The following POLH variants were observed in gnomAD, a reference collection of about 807,000 sequenced individuals.
POLH encodes DNA polymerase eta transcript.
POLH carries 53 observed loss-of-function variants against 73.6 expected under a neutral mutation model. The observed-to-expected ratio is 0.72, with a 90% CI of 0.58 to 0.91. The LOEUF (loss-of-function observed/expected upper bound fraction) is 0.91. Among genes scored for constraint, POLH ranks in the 40% least tolerant of loss-of-function variants. POLH has a pLI of 0.00. For missense variants in POLH, 768 were observed against 865.4 expected (o/e 0.89, Z 1.41); for synonymous variants, 292 against 308.5 (o/e 0.95, Z 0.56).
At chr6:43,580,795 C>T (rs1214821177) in intron 1 of POLH, among the ~76,000 whole-genome samples, 14 of 127,774 alleles carry the variant, frequency 1.1e-4, no homozygotes, top group Non-Finnish European at 2.0e-4. Flanking sequence ...CCGGACTGGG[C>T]GGCTGGCCGG....
rs886061474 is a variant in POLH, at chr6:43,619,694, TTACAA to T, written c.*5142_*5146del. Among the ~76,000 whole-genome samples the T allele has an allele frequency of 9.2e-5, 14 of 152,202 alleles. No homozygotes were observed. The highest frequency in any genetic ancestry group is 2.6e-4 in the Admixed American group (4 of 15,264). ...GAAATGTGATTTTCCAAAATTTTCTTTACAATACAGGCAAAAGATAAGTAAATTGT... is the reference window on the plus strand; with the variant it reads ...GAAATGTGATTTTCCAAAATTTTCTTTACAGGCAAAAGATAAGTAAATTGT... On this transcript the variant is annotated 3_prime_UTR_variant, in exon 11 of 11. Coordinates refer to ENST00000372236, the MANE Select transcript of POLH (RefSeq NM_006502.3).
chr6:43,607,157 C>T (rs1767394904), intron 9 of POLH, among the ~76,000 whole-genome samples: 1 of 152,216 alleles, frequency 6.6e-6, no homozygotes, highest in South Asian at 2.1e-4. Context: ...TGCAGTAGTG[C>T]AGTCTCGGCT....
intron 4 of POLH, among the ~76,000 whole-genome samples, chr6:43,594,715 A>G (rs1765850514): frequency 6.6e-6 from 1 of 152,192 alleles, no homozygotes; most frequent in African/African-American, 2.4e-5. Context: ...ATAATAAACT[A>G]TCTTTTAATC....
intron 4 of POLH, among the ~76,000 whole-genome samples, chr6:43,597,075 T>C (rs886461658): frequency 6.6e-6 from 1 of 152,162 alleles, no homozygotes; most frequent in Non-Finnish European, 1.5e-5. Context: ...GAAAGAAAAT[T>C]CAAGAGAACT....
intron 4 of POLH, among the ~76,000 whole-genome samples, chr6:43,591,637 T>TA (rs1220208785): frequency 2.7e-5 from 4 of 150,016 alleles, no homozygotes; most frequent in Non-Finnish European, 4.4e-5. Flanking sequence ...TTTTTTTTTT[T>TA]AAATATTTGG....
intron 1 of POLH, among the ~76,000 whole-genome samples, chr6:43,577,836 G>C (rs1200985921): frequency 1.3e-5 from 2 of 152,198 alleles, no homozygotes; most frequent in East Asian, 3.9e-4. Context: ...TGTAATCCCA[G>C]CACTTTGGGA....
At position 43,616,631 on chromosome 6, in the gene POLH, C is replaced by T. The variant is rs886061457; in HGVS notation, c.*2074C>T. Among the ~76,000 whole-genome samples, 9 of 151,620 alleles carry T rather than the reference C, an allele frequency of 5.9e-5. No individual in the cohort carries two copies. Among genetic ancestry groups the T allele is most frequent in the South Asian group, 2.1e-4 (1 of 4,812 alleles). On this transcript the variant is annotated 3_prime_UTR_variant, in exon 11 of 11. Coordinates refer to ENST00000372236, the MANE Select transcript of POLH (RefSeq NM_006502.3). ...GAAAAACTTCTCTCTAGCTCTGTGA[C>T]GGGCAGTTCAGATAATACCTTCACC...
chr6:43,616,590 A>G lies in POLH; in HGVS notation c.*2033A>G, dbSNP rs948017565. 2.0e-5 allele frequency among the ~76,000 whole-genome samples: 3 copies of G among 151,730 alleles called. No individual in the cohort carries two copies. Among genetic ancestry groups the G allele is most frequent in the Non-Finnish European group, 4.4e-5 (3 of 67,958 alleles). ...GGTGAGAGTGAGAGACTGTCTCAAA[A>G]AAAAAAAAAACAAAAGAAAAACTTC... is the stretch of plus-strand genomic sequence containing the variant. On this transcript the variant is annotated 3_prime_UTR_variant, in exon 11 of 11. Transcript: ENST00000372236.
intron 3 of POLH, 62 bp downstream of exon 3, chr6:43,583,203 A>G (rs1256562188): frequency 6.8e-7 from 1 of 1,465,984 alleles, no homozygotes; most frequent in Non-Finnish European, 9.5e-7. Context: ...CCATGAGGCT[A>G]GGAACTGGTG....
At chr6:43,592,560 C>T (rs368908179) in intron 4 of POLH, among the ~76,000 whole-genome samples, 3 of 151,920 alleles carry the variant, frequency 2.0e-5, no homozygotes, top group Non-Finnish European at 2.9e-5. Flanking sequence ...TACTGTTGGC[C>T]GCCACCACGC....
chr6:43,585,723 A>T (rs1286037487), intron 3 of POLH, among the ~76,000 whole-genome samples: 4 of 146,118 alleles, frequency 2.7e-5, no homozygotes, highest in Non-Finnish European at 5.9e-5. Context: ...TCGGCTCACC[A>T]CAACCTCCAT....
chr6:43,584,686 CT>C (rs1425609749), intron 3 of POLH, among the ~76,000 whole-genome samples: 1 of 152,192 alleles, frequency 6.6e-6, no homozygotes, highest in African/African-American at 2.4e-5. Context: ...AGAACACCCC[CT>C]CCTTCCTTTC....
Position 43,617,620 on chromosome 6 carries a change from G to GT in POLH, c.*3066dup, listed in dbSNP as rs1342235564. Among the ~76,000 whole-genome samples, 1 of 147,230 alleles carries GT rather than the reference G, an allele frequency of 6.8e-6. No individual in the cohort carries two copies. Among genetic ancestry groups the GT allele is most frequent in the Admixed American group, 6.9e-5 (1 of 14,566 alleles). ...CCAGTCTGGGCAACAGAGTGACACTGTTTAAAAAAAAAAAAATTCCCAATG... is the reference window on the plus strand; with the variant it reads ...CCAGTCTGGGCAACAGAGTGACACTGTTTTAAAAAAAAAAAAATTCCCAATG... On this transcript the variant is annotated 3_prime_UTR_variant, in exon 11 of 11. Coordinates refer to ENST00000372236, the MANE Select transcript of POLH (RefSeq NM_006502.3).
chr6:43,598,522 C>G (rs934818559), intron 5 of POLH, among the ~76,000 whole-genome samples: 3 of 151,630 alleles, frequency 2.0e-5, no homozygotes, highest in Non-Finnish European at 4.4e-5. Flanking sequence ...GCAATCCCAG[C>G]TACCCGGGAG....
chr6:43,589,762 A>G (rs982575395), intron 4 of POLH, among the ~76,000 whole-genome samples: 12 of 151,536 alleles, frequency 7.9e-5, no homozygotes, highest in African/African-American at 2.4e-4. Flanking sequence ...GGCTCAAACA[A>G]TCCTCCCACC....
Position 43,581,943 on chromosome 6 carries a change from CA to C in POLH, c.-4-372del, listed in dbSNP as rs557256920. Among the ~76,000 whole-genome samples, 164 of 151,916 alleles carry C rather than the reference CA, an allele frequency of 1.1e-3. 1 individual carries two copies. The highest frequency in any genetic ancestry group is 3.6e-3 in the African/African-American group (149 of 41,486). ...AAAGAATCTTAAAAACTGTTTTTTC[CA>C]CTCAGGGTATCCCTAATCTGAAATT... On this transcript the variant is annotated intron_variant, in intron 1 of 10. Transcript: ENST00000372236.
chr6:43,604,578 T>A (rs372215820), intron 7 of POLH, 37 bp from the exon 8 acceptor site: 2 of 1,606,606 alleles, frequency 1.2e-6, no homozygotes, highest in Non-Finnish European at 1.7e-6. Context: ...GAATAATCAT[T>A]TAATTTCACC....
intron 9 of POLH, among the ~76,000 whole-genome samples, chr6:43,610,053 ATTCT>A (rs1767717270): frequency 7.4e-6 from 1 of 134,698 alleles, no homozygotes; most frequent in Non-Finnish European, 1.6e-5. Context: ...ATATATATAG[ATTCT>A]TTTTTTTTTT....
chr6:43,602,308 T>C (rs1766825784), intron 6 of POLH, among the ~76,000 whole-genome samples: 2 of 152,188 alleles, frequency 1.3e-5, no homozygotes, highest in Non-Finnish European at 2.9e-5. Context: ...ACTTATAATA[T>C]TGTAGAAAGG....
Sources: gnomAD v4.1 joint callset for allele counts (sites outside exome capture counted in the v4.1 genomes callset) on GRCh38, gnomAD v4.1.1 for gene constraint, MANE v1.5 for transcripts, NCBI Gene and HGNC (gene_info 2026-07-23, HGNC 2026-07-21) for gene names.